TRABD2B: variants seen among roughly 807,000 people sequenced by gnomAD.
The protein encoded by TRABD2B is TraB domain containing 2B.
TRABD2B carries 14 observed loss-of-function variants against 40.1 expected under a neutral mutation model. The ratio of observed to expected loss-of-function variants is 0.35; its 90% CI spans 0.23 to 0.55. TRABD2B has a LOEUF of 0.55. TRABD2B is among the 20% of genes least tolerant of loss of function. The probability of loss-of-function intolerance (pLI) is 0.90; values close to 1 mark genes in which losing one functional copy is unlikely to be tolerated. For missense variants in TRABD2B, 541 were observed against 648.6 expected (o/e 0.83, Z 1.80); for synonymous variants, 263 against 277.0 (o/e 0.95, Z 0.50).
chr1:47,946,055 C>T (rs1234721304), intron 2 of TRABD2B, among the ~76,000 whole-genome samples: 1 of 152,172 alleles, frequency 6.6e-6, no homozygotes, highest in Non-Finnish European at 1.5e-5. Context: ...TCAACCCTTG[C>T]TATTATCGGT....
At chr1:47,934,164 G>A (rs1433927697) in intron 2 of TRABD2B, among the ~76,000 whole-genome samples, 1 of 152,230 alleles carries the variant, frequency 6.6e-6, no homozygotes, top group African/African-American at 2.4e-5. Context: ...AGACAAGGAA[G>A]TTGAACCTTA....
At chr1:47,902,349 C>T (rs1488496145) in intron 2 of TRABD2B, among the ~76,000 whole-genome samples, 1 of 152,112 alleles carries the variant, frequency 6.6e-6, no homozygotes, top group East Asian at 1.9e-4. Context: ...CTCTGAGTTC[C>T]CAGGGTGACT....
At position 47,996,707 on chromosome 1, in the gene TRABD2B, T is replaced by G. The variant is rs976398689; in HGVS notation, c.83A>C (p.Gln28Pro). 1 of 1,228,736 alleles carries G rather than the reference T, an allele frequency of 8.1e-7. No homozygotes were observed. Among genetic ancestry groups the G allele is most frequent in the Non-Finnish European group, 1.0e-6 (1 of 985,018 alleles). 76.1% of individuals were successfully genotyped at this position (1,228,736 alleles called of 1,614,324 possible). A position where few individuals can be genotyped will look rare whatever the true frequency, so the allele number is the denominator to read the frequency against. The change falls in exon 1 of 7, where the codon CAG becomes CCG. Residue 28 changes from glutamine (Q) to proline (P), a missense_variant. This residue lies in a region of TRABD2B where 369 missense variants were observed against 492.8 expected (regional missense o/e 0.75). Transcript: ENST00000606738. The surrounding 1 kb of genome is among the most constrained non-coding windows in gnomAD (Gnocchi z 4.6). Reference sequence around the variant, plus strand: ...GCTCACCGATCCGGGCGGCCGGCACTGTCCTCCGTCCGGGGGCTGCGGGCG... The same window carrying G: ...GCTCACCGATCCGGGCGGCCGGCACGGTCCTCCGTCCGGGGGCTGCGGGCG... ...RARPQPPDGG[Q>P]CRPPGSQRDL...
chr1:47,932,497 G>A (rs1249850736), intron 2 of TRABD2B, among the ~76,000 whole-genome samples: 3 of 152,180 alleles, frequency 2.0e-5, no homozygotes, highest in Admixed American at 6.5e-5. Flanking sequence ...GGGATGTGGA[G>A]TCAAGGGAGT....
At chr1:47,877,208 G>T (rs550517645) in intron 2 of TRABD2B, among the ~76,000 whole-genome samples, 2 of 151,958 alleles carry the variant, frequency 1.3e-5, no homozygotes, top group East Asian at 3.9e-4. Flanking sequence ...CAATGGGGCT[G>T]GGGGGTGGGC....
intron 3 of TRABD2B, 31 bp from the exon 4 acceptor site, chr1:47,794,791 T>C (rs1400814708): frequency 8.7e-6 from 2 of 229,948 alleles, no homozygotes; most frequent in Non-Finnish European, 1.1e-5. Context: ...CTGCCTTCAG[T>C]TTTTTTTTTT....
chr1:47,879,221 C>T (rs1449684390), intron 2 of TRABD2B, among the ~76,000 whole-genome samples: 2 of 152,084 alleles, frequency 1.3e-5, no homozygotes, highest in Non-Finnish European at 2.9e-5. Flanking sequence ...TTAAAAAACA[C>T]ACATACATAT....
At chr1:47,790,124 T>C (rs11211603) in intron 4 of TRABD2B, among the ~76,000 whole-genome samples, 6,257 of 152,274 alleles carry the variant, frequency 0.041, 277 homozygotes, top group East Asian at 0.2. Context: ...AACCTGTAAA[T>C]TGAATAAATT....
At chr1:47,922,021 G>A (rs191692064) in intron 2 of TRABD2B, among the ~76,000 whole-genome samples, 8 of 152,316 alleles carry the variant, frequency 5.3e-5, no homozygotes, top group Admixed American at 4.6e-4. Context: ...CACAGCTAAT[G>A]AGAGGCAGAA....
In TRABD2B at chr1:47,761,983, C is replaced by G. The variant is rs1398811505; in HGVS notation, c.*3919G>C. 6.6e-6 allele frequency: 1 copy of G among 152,080 alleles called. No individual in the cohort carries two copies. Among genetic ancestry groups the G allele is most frequent in the Non-Finnish European group, 1.5e-5 (1 of 68,044 alleles). The allele number at this position is 152,080 out of a possible 1,614,324, so 9.4% of individuals were successfully genotyped here. ...ACATGACCCCTGCCATTAAGCTGCT[C>G]ACAGTCCGAGAGGAGCAGATACACA... On this transcript the variant is annotated 3_prime_UTR_variant, in exon 7 of 7. Coordinates refer to ENST00000606738, the MANE Select transcript of TRABD2B (RefSeq NM_001194986.2).
chr1:47,914,413 C>T (rs908381885), intron 2 of TRABD2B, among the ~76,000 whole-genome samples: 15 of 152,336 alleles, frequency 9.8e-5, no homozygotes, highest in African/African-American at 3.1e-4. Context: ...ACAGATTCCG[C>T]GGTGCCCGCT....
chr1:47,958,234 G>A (rs371624341), intron 2 of TRABD2B, among the ~76,000 whole-genome samples: 1,545 of 144,922 alleles, frequency 0.011, 24 homozygotes, highest in African/African-American at 0.029. Flanking sequence ...AGGAACAACC[G>A]GTACCAGCCA....
intron 2 of TRABD2B, among the ~76,000 whole-genome samples, chr1:47,834,299 A>G (rs1284926028): frequency 6.6e-6 from 1 of 152,238 alleles, no homozygotes; most frequent in African/African-American, 2.4e-5. Flanking sequence ...GGATCATACA[A>G]GAGACTAACC....
intron 1 of TRABD2B, among the ~76,000 whole-genome samples, chr1:47,995,376 T>TC (rs1283490051): frequency 2.0e-5 from 3 of 152,124 alleles, no homozygotes; most frequent in African/African-American, 7.2e-5. Flanking sequence ...TTACAATTAG[T>TC]CCCAAGAAAT....
chr1:47,846,894 A>ACACG (rs1439715341), intron 2 of TRABD2B, among the ~76,000 whole-genome samples: 33 of 145,702 alleles, frequency 2.3e-4, no homozygotes, highest in East Asian at 1.4e-3. Context: ...ACACACACAC[A>ACACG]CAAATGAGGG....
chr1:47,981,998 CT>C (rs1645847745), intron 2 of TRABD2B, among the ~76,000 whole-genome samples: 1 of 152,212 alleles, frequency 6.6e-6, no homozygotes, highest in African/African-American at 2.4e-5. Flanking sequence ...CAGCCTAAAC[CT>C]TTCACTCCCT....
chr1:47,842,604 A>G (rs888124601), intron 2 of TRABD2B, among the ~76,000 whole-genome samples: 3 of 152,180 alleles, frequency 2.0e-5, no homozygotes, highest in African/African-American at 7.2e-5. Context: ...CCAGGACTAG[A>G]TTCAGTCCCC....
At chr1:47,860,579 T>C (rs1440274161) in intron 2 of TRABD2B, among the ~76,000 whole-genome samples, 2 of 152,192 alleles carry the variant, frequency 1.3e-5, no homozygotes, top group African/African-American at 2.4e-5. Context: ...TTTTCTCCTC[T>C]GGGCCCCAGC....
chr1:47,831,294 G>A (rs761702714), intron 2 of TRABD2B, among the ~76,000 whole-genome samples: 5 of 152,122 alleles, frequency 3.3e-5, no homozygotes, highest in African/African-American at 4.8e-5. Context: ...CTGAGGCCTC[G>A]GGAAAAATGC....
Sources: gnomAD v4.1 joint callset for allele counts (sites outside exome capture counted in the v4.1 genomes callset) on GRCh38, gnomAD v4.1.1 for gene constraint, gnomAD v4.1.1 regional missense constraint, Gnocchi (gnomAD v3.1) non-coding constraint, MANE v1.5 for transcripts, NCBI Gene and HGNC (gene_info 2026-07-23, HGNC 2026-07-21) for gene names.